DPY30: variants seen among roughly 807,000 people sequenced by gnomAD.
DPY30 encodes protein dpy-30 homolog.
A neutral mutation model predicts 16.2 loss-of-function variants in DPY30; 6 were observed. The ratio of observed to expected loss-of-function variants is 0.37; its 90% CI spans 0.20 to 0.73. The LOEUF is 0.73. Ranked by LOEUF, DPY30 falls within the 30% of genes least tolerant of loss-of-function variation. The probability of loss-of-function intolerance (pLI) is 0.51; values close to 1 mark genes in which losing one functional copy is unlikely to be tolerated. For missense variants in DPY30, 73 were observed against 113.1 expected (o/e 0.65, Z 1.61); for synonymous variants, 39 against 38.8 (o/e 1.00, Z -0.02).
chr2:32,019,247 C>G (rs980625975), downstream of DPY30, among the ~76,000 whole-genome samples: 2 of 152,064 alleles, frequency 1.3e-5, no homozygotes, highest in African/African-American at 4.8e-5. Flanking sequence ...CACGCCCCAC[C>G]GCACCCAGCT....
chr2:32,025,716 C>T (rs973668397), intron 4 of DPY30, among the ~76,000 whole-genome samples: 3 of 149,458 alleles, frequency 2.0e-5, no homozygotes, highest in East Asian at 2.0e-4. Context: ...GAACCAAGAT[C>T]GAGCCACTGC....
rs140992528 is a variant in DPY30 at position 32,026,756 on chromosome 2, C to T, written c.228-2500G>A. ...TGAGCTGACATCGTGCCACTGCACT[C>T]CACTCTGAGCAACATAGCATCCAGC... is the stretch of plus-strand genomic sequence containing the variant. On this transcript the variant is annotated intron_variant, in intron 4 of 4. Coordinates refer to ENST00000342166, the MANE Select transcript of DPY30 (RefSeq NM_001321209.2). 5.9e-3 allele frequency among the ~76,000 whole-genome samples: 903 copies of T among 152,042 alleles called. 11 individuals carry two copies. The highest frequency in any genetic ancestry group is 0.02 in the African/African-American group (845 of 41,472).
At chr2:32,019,580 G>C (rs978334276), downstream of DPY30, among the ~76,000 whole-genome samples, 5 of 150,940 alleles carry the variant, frequency 3.3e-5, no homozygotes, top group African/African-American at 1.2e-4. Flanking sequence ...CCAACACTTT[G>C]GGAGGCCGAG....
downstream of DPY30, chr2:32,023,636 G>A (rs1025702743): frequency 3.2e-6 from 3 of 944,842 alleles, no homozygotes; most frequent in African/African-American, 3.4e-5. Context: ...CCTTTGCAAT[G>A]CTTTTATTAG....
chr2:32,039,149 A>T (rs1248032133), intron 3 of DPY30, 130 bp downstream of exon 3: 1 of 1,074,300 alleles, frequency 9.3e-7, no homozygotes, highest in Non-Finnish European at 1.4e-6. Context: ...AGCTACCCAT[A>T]ACTTGATACT....
downstream of DPY30, among the ~76,000 whole-genome samples, chr2:32,019,476 A>C (rs1394936425): frequency 6.6e-6 from 1 of 151,962 alleles, no homozygotes; most frequent in Non-Finnish European, 1.5e-5. Flanking sequence ...ATATCACTGC[A>C]CTCCAGCCTG....
chr2:32,029,144 C>T (rs1255279236), intron 4 of DPY30, among the ~76,000 whole-genome samples: 1 of 151,942 alleles, frequency 6.6e-6, no homozygotes, highest in African/African-American at 2.4e-5. Context: ...TAGTGGCCCA[C>T]GCCTGTAGTC....
intron 3 of DPY30, among the ~76,000 whole-genome samples, chr2:32,035,803 G>A (rs918767503): frequency 2.0e-5 from 3 of 151,220 alleles, no homozygotes; most frequent in Admixed American, 6.6e-5. Context: ...GCATGGTAGC[G>A]GGTGCCTATA....
At chr2:32,031,241 A>G (rs7587341) in intron 3 of DPY30, among the ~76,000 whole-genome samples, 24,043 of 151,712 alleles carry the variant, frequency 0.16, 2,237 homozygotes, top group Middle Eastern at 0.27. Context: ...CCAATACGGC[A>G]AAACCCCGTC....
intron 2 of DPY30, 27 bp from the exon 3 acceptor site, chr2:32,039,353 GAT>G: frequency 6.2e-7 from 1 of 1,614,104 alleles, no homozygotes; most frequent in Non-Finnish European, 8.5e-7. Context: ...CGGTCACAGA[GAT>G]ATAAGTCCCC....
intron 5 of DPY30, among the ~76,000 whole-genome samples, chr2:32,016,274 A>C (rs1292028314): frequency 6.6e-6 from 1 of 151,980 alleles, no homozygotes; most frequent in Non-Finnish European, 1.5e-5. Context: ...CCTATTTTCC[A>C]CTATTTTATT....
At chr2:32,031,894 A>G (rs567097876) in intron 3 of DPY30, among the ~76,000 whole-genome samples, 49 of 151,016 alleles carry the variant, frequency 3.2e-4, no homozygotes, top group Non-Finnish European at 6.2e-4. Flanking sequence ...CTCTGTCTCA[A>G]AAAAATAAAA....
chr2:32,020,421 A>C (rs1300271952), downstream of DPY30, among the ~76,000 whole-genome samples: 2 of 152,054 alleles, frequency 1.3e-5, no homozygotes, highest in African/African-American at 4.8e-5. Flanking sequence ...CTAAGGCAAG[A>C]AGCTCACTTG....
At chr2:32,016,739 C>T (rs1675072996) in intron 5 of DPY30, among the ~76,000 whole-genome samples, 1 of 152,050 alleles carries the variant, frequency 6.6e-6, no homozygotes, top group Non-Finnish European at 1.5e-5. Context: ...TTCATGAACT[C>T]ACTCTTAAGG....
intron 3 of DPY30, among the ~76,000 whole-genome samples, chr2:32,033,747 CCATTT>C (rs1316930839): frequency 6.6e-6 from 1 of 152,216 alleles, no homozygotes. Context: ...CCAAATCCTC[CCATTT>C]ATTTCATGTG....
chr2:32,028,852 ACTC>A (rs1183726299), intron 4 of DPY30, among the ~76,000 whole-genome samples: 1 of 151,930 alleles, frequency 6.6e-6, no homozygotes, highest in Non-Finnish European at 1.5e-5. Flanking sequence ...AATCCCAGCT[ACTC>A]GGTAGACTGA....
chr2:32,025,836 G>A (rs1188572537), intron 4 of DPY30, among the ~76,000 whole-genome samples: 2 of 151,520 alleles, frequency 1.3e-5, no homozygotes, highest in Non-Finnish European at 1.5e-5. Context: ...GGCCGGGCAC[G>A]GTGGCTCACG....
At chr2:32,028,061 T>G (rs1433171612) in intron 4 of DPY30, among the ~76,000 whole-genome samples, 1 of 152,026 alleles carries the variant, frequency 6.6e-6, no homozygotes, top group Non-Finnish European at 1.5e-5. Context: ...ATAAACAAAT[T>G]ATCTATTCTA....
At chr2:32,013,410 C>T (rs566519811) in intron 5 of DPY30, 2 of 152,284 alleles carry the variant, frequency 1.3e-5, no homozygotes, top group African/African-American at 4.8e-5. Flanking sequence ...GCTCTCAATA[C>T]GTGCCACAAT....
Sources: gnomAD v4.1 joint callset for allele counts (sites outside exome capture counted in the v4.1 genomes callset) on GRCh38, gnomAD v4.1.1 for gene constraint, MANE v1.5 for transcripts, NCBI Gene and HGNC (gene_info 2026-07-23, HGNC 2026-07-21) for gene names.